Variants in LRRC4C observed in about 807,000 individuals in gnomAD.
LRRC4C encodes the protein leucine-rich repeat-containing protein 4C.
LRRC4C carries 5 observed loss-of-function variants against 33.6 expected under a neutral mutation model. That is an observed-to-expected ratio of 0.15 (90% CI 0.08 to 0.31). LRRC4C has a LOEUF of 0.31. Ranked by LOEUF, LRRC4C falls within the 10% of genes least tolerant of loss-of-function variation. The pLI is 1.00. For synonymous variants in LRRC4C, 329 were observed against 302.0 expected (o/e 1.09, Z -0.93); for missense variants, 560 against 796.7 (o/e 0.70, Z 3.58).
chr11:41,338,960 T>C (rs1176985562), intron 1 of LRRC4C, among the ~76,000 whole-genome samples: 1 of 151,992 alleles, frequency 6.6e-6, no homozygotes, highest in Non-Finnish European at 1.5e-5. Flanking sequence ...TAAAATAAAA[T>C]GAAATACGAA....
chr11:40,655,368 G>T (rs1216744464), intron 2 of LRRC4C, among the ~76,000 whole-genome samples: 1 of 152,174 alleles, frequency 6.6e-6, no homozygotes, highest in African/African-American at 2.4e-5. Flanking sequence ...ACTCAAGGAG[G>T]TAACCATGTG....
intron 3 of LRRC4C, among the ~76,000 whole-genome samples, chr11:40,616,562 A>G (rs1961853395): frequency 6.6e-6 from 1 of 151,824 alleles, no homozygotes; most frequent in Admixed American, 6.6e-5. Context: ...CATATACACC[A>G]TGGAATACTA....
At chr11:41,446,256 T>C (rs1282848601) in intron 1 of LRRC4C, among the ~76,000 whole-genome samples, 1 of 152,228 alleles carries the variant, frequency 6.6e-6, no homozygotes, top group East Asian at 1.9e-4. Flanking sequence ...TGAGTAATGC[T>C]TGTGTAATAT....
At chr11:40,196,990 A>T (rs1862314978) in intron 5 of LRRC4C, among the ~76,000 whole-genome samples, 1 of 152,188 alleles carries the variant, frequency 6.6e-6, no homozygotes, top group Non-Finnish European at 1.5e-5. Context: ...TCAATATCAC[A>T]CTATTGGGAT....
At chr11:40,472,060 C>T (rs1952968096) in intron 3 of LRRC4C, among the ~76,000 whole-genome samples, 1 of 151,786 alleles carries the variant, frequency 6.6e-6, no homozygotes, top group Admixed American at 6.6e-5. Context: ...CTTTGGGAGG[C>T]CCGAGGAGGG....
intron 5 of LRRC4C, among the ~76,000 whole-genome samples, chr11:40,206,773 T>G (rs1180991922): frequency 2.0e-5 from 3 of 150,926 alleles, no homozygotes; most frequent in Non-Finnish European, 3.0e-5. Context: ...TGAATGTACA[T>G]GTATGTGGAA....
chr11:41,200,593 C>T (rs903310629), intron 1 of LRRC4C, among the ~76,000 whole-genome samples: 2 of 151,810 alleles, frequency 1.3e-5, no homozygotes, highest in Non-Finnish European at 2.9e-5. Context: ...CTTGCTTTAC[C>T]GATGATGGAG....
intron 1 of LRRC4C, among the ~76,000 whole-genome samples, chr11:41,107,442 C>A (rs1260413069): frequency 6.6e-6 from 1 of 151,836 alleles, no homozygotes; most frequent in Admixed American, 6.6e-5. Context: ...TTTTTCATAG[C>A]AAGTGAAATA....
chr11:40,588,731 G>T (rs191669514), intron 3 of LRRC4C, among the ~76,000 whole-genome samples: 50 of 152,038 alleles, frequency 3.3e-4, no homozygotes, highest in East Asian at 1.7e-3. Flanking sequence ...CATTTCGTTC[G>T]GTACCCAGTA....
At chr11:41,316,476 C>A (rs1242642458) in intron 1 of LRRC4C, among the ~76,000 whole-genome samples, 1 of 151,986 alleles carries the variant, frequency 6.6e-6, no homozygotes, top group East Asian at 1.9e-4. Flanking sequence ...TCTGTGATTT[C>A]TATATTTCTA....
intron 3 of LRRC4C, among the ~76,000 whole-genome samples, chr11:40,500,742 G>C (rs1045211758): frequency 6.6e-6 from 1 of 152,062 alleles, no homozygotes; most frequent in African/African-American, 2.4e-5. Context: ...TGAGATTTGG[G>C]TGGGGACACA....
Position 40,654,760 on chromosome 11 carries a change from G to C in LRRC4C, c.-406-6482C>G, listed in dbSNP as rs116727191. Among the ~76,000 whole-genome samples the C allele has an allele frequency of 3.0e-3, 450 of 152,208 alleles. 1 individual carries two copies. Among genetic ancestry groups the C allele is most frequent in the African/African-American group, 0.01 (434 of 41,542 alleles). On this transcript the variant is annotated intron_variant, in intron 2 of 6. Transcript: ENST00000528697. ...GAGATTTTGGAGGGGTCAGGAGGGA[G>C]TGATATTGTTTGGCTCTGTGTTCCC... is the stretch of plus-strand genomic sequence containing the variant.
At chr11:40,518,576 G>A (rs1371041694) in intron 3 of LRRC4C, among the ~76,000 whole-genome samples, 4 of 152,148 alleles carry the variant, frequency 2.6e-5, no homozygotes, top group Non-Finnish European at 5.9e-5. Context: ...CAGTTAGAAT[G>A]GCAATCATTA....
At chr11:41,048,712 A>T (rs1435758472) in intron 1 of LRRC4C, among the ~76,000 whole-genome samples, 1 of 152,228 alleles carries the variant, frequency 6.6e-6, no homozygotes, top group Non-Finnish European at 1.5e-5. Flanking sequence ...TTCTAGAGAC[A>T]GATTTATAGT....
chr11:40,784,774 C>T (rs747432316), intron 2 of LRRC4C, among the ~76,000 whole-genome samples: 1 of 152,102 alleles, frequency 6.6e-6, no homozygotes, highest in South Asian at 2.1e-4. Flanking sequence ...TCAAAAATTG[C>T]GCTGATCTTT....
At chr11:40,374,473 A>C (rs1324930724) in intron 3 of LRRC4C, among the ~76,000 whole-genome samples, 1 of 152,198 alleles carries the variant, frequency 6.6e-6, no homozygotes, top group East Asian at 1.9e-4. Context: ...CCTATAATAA[A>C]AATGTTAATA....
At chr11:40,581,114 C>T (rs149465882) in intron 3 of LRRC4C, among the ~76,000 whole-genome samples, 12 of 152,264 alleles carry the variant, frequency 7.9e-5, no homozygotes, top group South Asian at 2.1e-4. Context: ...TCTCTGAAAC[C>T]GTTATCTTTG....
At chr11:40,726,538 T>G (rs1260537547) in intron 2 of LRRC4C, among the ~76,000 whole-genome samples, 1 of 152,138 alleles carries the variant, frequency 6.6e-6, no homozygotes, top group Non-Finnish European at 1.5e-5. Context: ...ACAGAAAAGC[T>G]TTCTGTAAAA....
intron 1 of LRRC4C, among the ~76,000 whole-genome samples, chr11:41,196,121 A>G (rs1217991409): frequency 6.6e-6 from 1 of 152,108 alleles, no homozygotes; most frequent in Non-Finnish European, 1.5e-5. Flanking sequence ...GTCAATTGGA[A>G]TATTTCCAAA....
Sources: allele counts gnomAD v4.1 joint callset (sites outside exome capture counted in the v4.1 genomes callset), GRCh38; gene constraint gnomAD v4.1.1; transcripts MANE v1.5; gene names NCBI Gene and HGNC (gene_info 2026-07-23, HGNC 2026-07-21).